PAFAH1B2: variants seen among roughly 807,000 people sequenced by gnomAD.
The protein encoded by PAFAH1B2 is platelet-activating factor acetylhydrolase IB subunit alpha2.
PAFAH1B2 carries 8 observed loss-of-function variants against 28.0 expected under a neutral mutation model. The ratio of observed to expected loss-of-function variants is 0.29; its 90% confidence interval spans 0.17 to 0.52. The LOEUF (loss-of-function observed/expected upper bound fraction) is 0.52, where lower values mean the gene tolerates loss of function less well. Ranked by LOEUF, PAFAH1B2 falls within the 20% of genes least tolerant of loss-of-function variation. PAFAH1B2 has a pLI of 0.97. For missense variants in PAFAH1B2, 190 were observed against 282.6 expected (o/e 0.67, Z 2.35); for synonymous variants, 104 against 103.2 (o/e 1.01, Z -0.05).
In PAFAH1B2 at chr11:117,168,464, T is replaced by TTTTTTTTG; in HGVS notation, c.*766_*773dup. On this transcript the variant is annotated 3_prime_UTR_variant, in exon 6 of 6. Transcript: ENST00000527958. ...CCACCCCGTTTTTTTTTTTTTTTTT[T>TTTTTTTTG]TTTTTTTGGTTCTTGTTGACATTAC... The TTTTTTTTG allele has an allele frequency of 2.0e-6, 2 of 981,236 alleles. No individual in the cohort carries two copies. The highest frequency in any genetic ancestry group is 1.9e-5 in the African/African-American group (1 of 52,874). 60.8% of individuals were successfully genotyped at this position (981,236 alleles called of 1,614,324 possible).
At position 117,148,724 on chromosome 11, in the gene PAFAH1B2, T is replaced by G. The variant is rs191300890; in HGVS notation, c.-7-3717T>G. Reference sequence around the variant, plus strand: ...GATCACTTAAGCCTAGGAGTTTGAATCCAGCCTGGACAACATAGTGAGACC... The same window carrying G: ...GATCACTTAAGCCTAGGAGTTTGAAGCCAGCCTGGACAACATAGTGAGACC... On this transcript the variant is annotated intron_variant, in intron 1 of 5. Transcript: ENST00000527958. Among the ~76,000 whole-genome samples, 264 of 152,188 alleles carry G rather than the reference T, an allele frequency of 1.7e-3. 2 individuals carry two copies. The highest frequency in any genetic ancestry group is 5.9e-3 in the African/African-American group (246 of 41,508).
downstream of PAFAH1B2, chr11:117,175,091 C>G: frequency 7.9e-7 from 1 of 1,265,014 alleles, no homozygotes; most frequent in South Asian, 2.5e-5. Context: ...CACTCAGGCT[C>G]AGGAAGGGTG....
chr11:117,166,765 A>G (rs184237092), intron 5 of PAFAH1B2, among the ~76,000 whole-genome samples: 1 of 152,344 alleles, frequency 6.6e-6, no homozygotes, highest in East Asian at 1.9e-4. Flanking sequence ...TCCATGTGGC[A>G]TTAATAGATG....
intron 1 of PAFAH1B2, among the ~76,000 whole-genome samples, chr11:117,151,560 A>G (rs4938350): frequency 0.74 from 111,723 of 151,972 alleles, 41,864 homozygotes; most frequent in Non-Finnish European, 0.82. Flanking sequence ...GTGGAAACTT[A>G]CAAAAATAAA....
chr11:117,167,553 T>C lies in PAFAH1B2; in HGVS notation c.544T>C (p.Ser182Pro), dbSNP rs1956540672. 2 of 1,613,202 alleles carry C rather than the reference T, an allele frequency of 1.2e-6. No homozygotes were observed. Among genetic ancestry groups the C allele is most frequent in the South Asian group, 1.1e-5 (1 of 90,736 alleles). ...LLDTDGGFVH[S>P]DGAISCHDMF... ...GGATACCGACGGGGGTTTTGTGCAC[T>C]CGGACGGTGCCATCTCCTGCCACGA... The change falls in exon 6 of 6, where the codon TCG becomes CCG. Residue 182 changes from serine (S) to proline (P), a missense_variant. Physicochemically the swap from Ser to Pro is moderately conservative, Grantham distance 74. Coordinates refer to ENST00000527958, the MANE Select transcript of PAFAH1B2 (RefSeq NM_002572.4).
At chr11:117,155,987 G>A (rs1243709907) in intron 2 of PAFAH1B2, among the ~76,000 whole-genome samples, 1 of 152,018 alleles carries the variant, frequency 6.6e-6, no homozygotes, top group South Asian at 2.1e-4. Context: ...GGCCAGAAGT[G>A]CAGCCTAGGA....
intron 4 of PAFAH1B2, among the ~76,000 whole-genome samples, chr11:117,162,122 A>G (rs531476042): frequency 1.8e-4 from 27 of 152,260 alleles, no homozygotes; most frequent in Non-Finnish European, 3.1e-4. Flanking sequence ...GAGCCCTGAC[A>G]AAACGTGCTT....
At chr11:117,156,495 A>AAAT (rs1178143502) in intron 2 of PAFAH1B2, among the ~76,000 whole-genome samples, 9 of 152,230 alleles carry the variant, frequency 5.9e-5, no homozygotes, top group Non-Finnish European at 8.8e-5. Context: ...CATGATGCTT[A>AAAT]AACTATGTAA....
intron 5 of PAFAH1B2, 128 bp downstream of exon 5, chr11:117,164,020 CCT>C: frequency 1.1e-6 from 1 of 880,602 alleles, no homozygotes; most frequent in Non-Finnish European, 1.8e-6. Flanking sequence ...CTTTCGTTGA[CCT>C]CTTCTTTAAT....
chr11:117,160,173 G>T, intron 3 of PAFAH1B2, 150 bp downstream of exon 3: 1 of 647,814 alleles, frequency 1.5e-6, no homozygotes, highest in Non-Finnish European at 2.8e-6. Context: ...TACCTAAAGG[G>T]ATTTTCTTTT....
downstream of PAFAH1B2, among the ~76,000 whole-genome samples, chr11:117,173,349 T>C (rs542749198): frequency 2.0e-5 from 3 of 152,312 alleles, 1 homozygote; most frequent in South Asian, 4.1e-4. Context: ...TCCTGTTCTT[T>C]AGACAGTAGG....
At chr11:117,149,430 G>GTTTTTT (rs746125678) in intron 1 of PAFAH1B2, among the ~76,000 whole-genome samples, 4 of 86,050 alleles carry the variant, frequency 4.6e-5, no homozygotes, top group South Asian at 3.8e-4. Context: ...TTTTCTAATC[G>GTTTTTT]TTTTTTTTTT....
chr11:117,146,260 A>G (rs77301901), intron 1 of PAFAH1B2, among the ~76,000 whole-genome samples: 13 of 141,284 alleles, frequency 9.2e-5, no homozygotes, highest in African/African-American at 3.4e-4. Flanking sequence ...CTAATTTTGT[A>G]TTTTTTTTTT....
chr11:117,155,963 A>G (rs79422203), intron 2 of PAFAH1B2, among the ~76,000 whole-genome samples: 1,968 of 152,194 alleles, frequency 0.013, 38 homozygotes, highest in African/African-American at 0.041. Flanking sequence ...GGCTGAGGCC[A>G]GTAGATTGTT....
downstream of PAFAH1B2, among the ~76,000 whole-genome samples, chr11:117,174,513 T>C (rs1425602624): frequency 7.1e-6 from 1 of 141,776 alleles, no homozygotes; most frequent in African/African-American, 2.6e-5. Context: ...TAGTGGTGTT[T>C]CACTCGTTGC....
rs1956538428 is a variant in PAFAH1B2, at chr11:117,167,492, G to A, written c.483G>A (p.Lys161=). 1 of 1,610,502 alleles carries A rather than the reference G, an allele frequency of 6.2e-7. No individual in the cohort carries two copies. The highest frequency in any genetic ancestry group is 1.7e-5 in the Admixed American group (1 of 59,606). Residue 161 remains lysine, a synonymous_variant, in exon 6 of 6, where the codon AAG becomes AAA. Coordinates refer to ENST00000527958, the MANE Select transcript of PAFAH1B2 (RefSeq NM_002572.4). ...ACGCCAAGGTGAACCAACTCCTCAA[G>A]GTTTCGCTGCCGAAGCTTGCCAACG... ...QKNAKVNQLL[K]VSLPKLANVQ...
At position 117,152,476 on chromosome 11, in the gene PAFAH1B2, C is replaced by T; in HGVS notation, c.29C>T (p.Ala10Val). MSQGDSNPA[A>V]IPHAAEDIQG... ...AGCCAAGGAGACTCAAACCCAGCAG[C>T]TATTCCGCATGCAGCAGAAGATATT... Residue 10 changes from alanine (A) to valine (V), a missense_variant, in exon 2 of 6, where the codon GCT (alanine) becomes GTT (valine). Ala to Val is a moderately conservative substitution (Grantham distance 64). Coordinates refer to ENST00000527958, the MANE Select transcript of PAFAH1B2 (RefSeq NM_002572.4). The T allele has an allele frequency of 6.2e-7, 1 of 1,613,846 alleles. No homozygotes were observed. Among genetic ancestry groups the T allele is most frequent in the South Asian group, 1.1e-5 (1 of 91,068 alleles).
At chr11:117,162,247 C>T (rs1017025921) in intron 4 of PAFAH1B2, among the ~76,000 whole-genome samples, 1 of 152,104 alleles carries the variant, frequency 6.6e-6, no homozygotes, top group Non-Finnish European at 1.5e-5. Flanking sequence ...GATCCTATGG[C>T]CTCAGCCTCC....
intron 1 of PAFAH1B2, among the ~76,000 whole-genome samples, chr11:117,148,186 G>T (rs1433204808): frequency 6.6e-6 from 1 of 151,592 alleles, no homozygotes; most frequent in Admixed American, 6.6e-5. Context: ...TGAGTAGCTG[G>T]GATTACAAGT....
Sources: allele counts gnomAD v4.1 joint callset (sites outside exome capture counted in the v4.1 genomes callset), GRCh38; gene constraint gnomAD v4.1.1; transcripts MANE v1.5; gene names NCBI Gene and HGNC (gene_info 2026-07-23, HGNC 2026-07-21).